The following GAS2 variants were observed in gnomAD, a reference collection of about 807,000 sequenced individuals.
GAS2 encodes the protein growth arrest specific 2.
A neutral mutation model predicts 37.5 loss-of-function variants in GAS2; 20 were observed. The observed-to-expected ratio is 0.53, with a 90% CI of 0.37 to 0.77. The LOEUF (loss-of-function observed/expected upper bound fraction) is 0.77. Ranked by LOEUF, GAS2 falls within the 30% of genes least tolerant of loss-of-function variation. GAS2 has a pLI of 0.00. For missense variants in GAS2, 336 were observed against 373.4 expected (o/e 0.90, Z 0.82); for synonymous variants, 144 against 132.2 (o/e 1.09, Z -0.61).
intron 7 of GAS2, among the ~76,000 whole-genome samples, chr11:22,798,519 A>T (rs1028246032): frequency 1.8e-4 from 28 of 152,078 alleles, no homozygotes; most frequent in African/African-American, 5.8e-4. Flanking sequence ...TTTATCTAAG[A>T]AAAGGGTATA....
intron 3 of GAS2, among the ~76,000 whole-genome samples, chr11:22,708,187 G>A (rs1851218655): frequency 6.6e-6 from 1 of 152,104 alleles, no homozygotes; most frequent in Non-Finnish European, 1.5e-5. Context: ...ACAAAAGAAG[G>A]AAATTCTGTT....
chr11:22,750,852 A>T (rs1565125932), intron 6 of GAS2, among the ~76,000 whole-genome samples: 2 of 150,464 alleles, frequency 1.3e-5, no homozygotes, highest in East Asian at 1.9e-4. Flanking sequence ...ACCTTCATTC[A>T]TTTTTTTTTA....
chr11:22,783,750 T>C (rs930692720), intron 7 of GAS2, among the ~76,000 whole-genome samples: 4 of 152,198 alleles, frequency 2.6e-5, no homozygotes, highest in Admixed American at 6.5e-5. Flanking sequence ...GGATATTTCC[T>C]AGGTTTTCTT....
chr11:22,735,832 A>C lies in GAS2; in HGVS notation c.410-1873A>C, dbSNP rs185007922. 2.6e-4 allele frequency among the ~76,000 whole-genome samples: 40 copies of C among 152,030 alleles called. 1 individual carries two copies. In the East Asian group the frequency reaches 5.6e-3, roughly 21 times the overall value. Reference sequence around the variant, plus strand: ...GTTTTTATATTTTGACACTCTTGTCATCAAGAAATGCATGACATTGTATCA... The same window carrying C: ...GTTTTTATATTTTGACACTCTTGTCCTCAAGAAATGCATGACATTGTATCA... On this transcript the variant is annotated intron_variant, in intron 4 of 7. Transcript: ENST00000454584.
intron 4 of GAS2, among the ~76,000 whole-genome samples, chr11:22,734,760 T>A (rs1224287876): frequency 6.6e-6 from 1 of 151,674 alleles, no homozygotes; most frequent in Non-Finnish European, 1.5e-5. Flanking sequence ...TAGAATAACC[T>A]CCCAAAATAA....
chr11:22,628,462 T>A (rs745501874), intron 1 of GAS2, among the ~76,000 whole-genome samples: 22 of 152,218 alleles, frequency 1.4e-4, no homozygotes, highest in Non-Finnish European at 2.6e-4. Context: ...TCCCTCCTCT[T>A]GGTTTTGATC....
chr11:22,718,470 G>C (rs1851791368), intron 3 of GAS2, among the ~76,000 whole-genome samples: 1 of 144,820 alleles, frequency 6.9e-6, no homozygotes, highest in Non-Finnish European at 1.5e-5. Flanking sequence ...CTATGAAGAT[G>C]AAAAGGCATA....
intron 3 of GAS2, among the ~76,000 whole-genome samples, chr11:22,700,862 C>T (rs1850804061): frequency 6.6e-6 from 1 of 152,122 alleles, no homozygotes; most frequent in South Asian, 2.1e-4. Flanking sequence ...AACAGGTTCT[C>T]AAAAGATGTT....
At chr11:22,771,488 T>C (rs1854979110) in intron 7 of GAS2, among the ~76,000 whole-genome samples, 2 of 152,186 alleles carry the variant, frequency 1.3e-5, no homozygotes, top group African/African-American at 4.8e-5. Flanking sequence ...AACTTCCAGA[T>C]GTATCAGTCA....
At chr11:22,704,757 A>T (rs1851025176) in intron 3 of GAS2, among the ~76,000 whole-genome samples, 1 of 151,710 alleles carries the variant, frequency 6.6e-6, no homozygotes, top group Admixed American at 6.6e-5. Context: ...CAGAATAAAC[A>T]AAATGCAGTG....
At chr11:22,762,595 AC>A (rs1854455047) in intron 7 of GAS2, among the ~76,000 whole-genome samples, 2 of 152,164 alleles carry the variant, frequency 1.3e-5, no homozygotes, top group Admixed American at 1.3e-4. Context: ...ATGCTCAACC[AC>A]AGTAAAGTAT....
intron 3 of GAS2, among the ~76,000 whole-genome samples, chr11:22,707,525 T>C (rs1851186860): frequency 6.6e-6 from 1 of 152,202 alleles, no homozygotes; most frequent in Non-Finnish European, 1.5e-5. Context: ...GACAGACCTC[T>C]GCTGATATAC....
At chr11:22,729,499 T>TTA (rs1264400226) in intron 4 of GAS2, among the ~76,000 whole-genome samples, 1 of 151,874 alleles carries the variant, frequency 6.6e-6, no homozygotes, top group Non-Finnish European at 1.5e-5. Flanking sequence ...TATACAGGGT[T>TTA]TAACCTATTA....
At chr11:22,780,116 C>A (rs1490889396) in intron 7 of GAS2, among the ~76,000 whole-genome samples, 3 of 152,152 alleles carry the variant, frequency 2.0e-5, no homozygotes, top group Non-Finnish European at 4.4e-5. Flanking sequence ...TGAGCTAAAA[C>A]AAACAGGTAC....
chr11:22,743,337 C>A (rs539102333), intron 5 of GAS2, among the ~76,000 whole-genome samples: 1 of 152,082 alleles, frequency 6.6e-6, no homozygotes, highest in East Asian at 1.9e-4. Context: ...AGCAACAGAA[C>A]CTTAGTGCTG....
At chr11:22,757,360 C>A (rs1270448431) in intron 7 of GAS2, among the ~76,000 whole-genome samples, 1 of 151,966 alleles carries the variant, frequency 6.6e-6, no homozygotes, top group Non-Finnish European at 1.5e-5. Flanking sequence ...AAATAGTTAT[C>A]TTTTGATTAA....
chr11:22,691,474 A>G (rs1241818255), intron 3 of GAS2, among the ~76,000 whole-genome samples: 3 of 152,236 alleles, frequency 2.0e-5, no homozygotes, highest in Admixed American at 2.0e-4. Flanking sequence ...TGCCAGAACA[A>G]GAAAGTATGG....
At chr11:22,706,904 C>G (rs569740602) in intron 3 of GAS2, among the ~76,000 whole-genome samples, 1 of 152,002 alleles carries the variant, frequency 6.6e-6, no homozygotes, top group African/African-American at 2.4e-5. Context: ...CCTGAGGAAT[C>G]GCCACACTGA....
At chr11:22,664,488 T>A (rs1848952518), upstream of GAS2, among the ~76,000 whole-genome samples, 1 of 152,170 alleles carries the variant, frequency 6.6e-6, no homozygotes, top group African/African-American at 2.4e-5. Flanking sequence ...TGTGATCACT[T>A]GAAAATAAAA....
Sources: gnomAD v4.1 joint callset for allele counts (sites outside exome capture counted in the v4.1 genomes callset) on GRCh38, gnomAD v4.1.1 for gene constraint, MANE v1.5 for transcripts, NCBI Gene and HGNC (gene_info 2026-07-23, HGNC 2026-07-21) for gene names.